Variants in TFB1M observed in about 807,000 individuals in gnomAD.
The protein encoded by TFB1M is transcription factor B1, mitochondrial, also known as dimethyladenosine transferase 1, mitochondrial.
TFB1M carries 27 observed loss-of-function variants against 31.1 expected under a neutral mutation model. The observed-to-expected ratio is 0.87, with a 90% CI of 0.64 to 1.20. The LOEUF (loss-of-function observed/expected upper bound fraction) is 1.20. Among genes scored for constraint, TFB1M ranks in the 50% most tolerant of loss-of-function variants. The pLI is 0.00. For missense variants in TFB1M, 394 were observed against 418.7 expected (o/e 0.94, Z 0.51); for synonymous variants, 166 against 151.8 (o/e 1.09, Z -0.69).
intron 5 of TFB1M, among the ~76,000 whole-genome samples, chr6:155,268,267 C>T (rs548785676): frequency 1.3e-5 from 2 of 152,040 alleles, no homozygotes; most frequent in Non-Finnish European, 2.9e-5. Flanking sequence ...AATTCCACCA[C>T]AAAAAAACAC....
intron 2 of TFB1M, among the ~76,000 whole-genome samples, chr6:155,301,514 C>T (rs115533538): frequency 3.9e-5 from 6 of 152,276 alleles, no homozygotes; most frequent in East Asian, 1.9e-4. Context: ...AACAATGGAG[C>T]ATTACACTTC....
intron 5 of TFB1M, among the ~76,000 whole-genome samples, chr6:155,263,841 C>T (rs188982446): frequency 7.1e-4 from 107 of 150,858 alleles, no homozygotes; most frequent in African/African-American, 2.5e-3. Context: ...TCACGGTGTT[C>T]AAGACCATTA....
At chr6:155,272,033 C>A (rs1784943912) in intron 5 of TFB1M, among the ~76,000 whole-genome samples, 1 of 152,102 alleles carries the variant, frequency 6.6e-6, no homozygotes, top group Admixed American at 6.5e-5. Context: ...TCTACGTTGT[C>A]CTTTATTTGC....
chr6:155,240,339 C>T, the TFB1M span, among the ~76,000 whole-genome samples: 16 of 152,320 alleles, frequency 1.1e-4, no homozygotes, highest in South Asian at 6.2e-4. Context: ...TGAGTGTGGG[C>T]GCACATCTTC....
intron 5 of TFB1M, among the ~76,000 whole-genome samples, chr6:155,279,615 G>A (rs1010866689): frequency 1.3e-5 from 2 of 152,140 alleles, no homozygotes; most frequent in African/African-American, 4.8e-5. Flanking sequence ...CATGACTTTA[G>A]CAAATACTAA....
chr6:155,245,851 C>G, the TFB1M span: 7 of 583,926 alleles, frequency 1.2e-5, no homozygotes, highest in African/African-American at 2.0e-5. Flanking sequence ...TAAGGTCCAT[C>G]CTTGACCTTG....
intron 1 of TFB1M, 138 bp from the exon 2 acceptor site, chr6:155,311,477 T>C: frequency 1.3e-6 from 1 of 745,052 alleles, no homozygotes; most frequent in Non-Finnish European, 2.3e-6. Context: ...TATTTGACTA[T>C]TTAACTCTCT....
chr6:155,274,447 T>G (rs1422640334), intron 5 of TFB1M, among the ~76,000 whole-genome samples: 1 of 152,260 alleles, frequency 6.6e-6, no homozygotes, highest in Non-Finnish European at 1.5e-5. Context: ...TTAATTTATT[T>G]CTGGTATCCT....
At position 155,285,285 on chromosome 6, in the gene TFB1M, G is replaced by A; in HGVS notation, c.547-8C>T. 6.2e-7 allele frequency: 1 copy of A among 1,613,716 alleles called. No individual in the cohort carries two copies. The highest frequency in any genetic ancestry group is 8.5e-7 in the Non-Finnish European group (1 of 1,179,716). On this transcript the variant is annotated splice_region_variant and splice_polypyrimidine_tract_variant and intron_variant, in intron 4 of 6. Coordinates refer to ENST00000367166, the MANE Select transcript of TFB1M (RefSeq NM_016020.4). ...TGTATTGGCTGCAAGTCTCTAGAGA[G>A]AGACAAAAATGAATTTTAGCAAATA...
chr6:155,254,275 G>T, downstream of TFB1M: 1 of 1,104,496 alleles, frequency 9.1e-7, no homozygotes, highest in East Asian at 2.5e-5. Flanking sequence ...CCTTCTGTAC[G>T]GGAGGCCACA....
Position 155,257,668 on chromosome 6 carries a change from T to TTTGA in TFB1M, c.*164_*167dup, listed in dbSNP as rs1196340496. On this transcript the variant is annotated 3_prime_UTR_variant, in exon 7 of 7. Coordinates refer to ENST00000367166, the MANE Select transcript of TFB1M (RefSeq NM_016020.4). ...AAAAGAAAGCTTGTACTGTATCTTA[T>TTTGA]TTGATGATATTTATTTTCTCTGCCA... The TTTGA allele has an allele frequency of 1.4e-6, 1 of 711,226 alleles. No individual in the cohort carries two copies. The highest frequency in any genetic ancestry group is 2.3e-6 in the Non-Finnish European group (1 of 429,984). The allele number at this position is 711,226 out of a possible 1,614,324, so 44.1% of individuals were successfully genotyped here.
chr6:155,247,747 A>G, the TFB1M span, among the ~76,000 whole-genome samples: 72,646 of 152,124 alleles, frequency 0.48, 18,008 homozygotes, highest in African/African-American at 0.57. Context: ...ATTTTGAGTC[A>G]GTGTTAGTCT....
At chr6:155,242,899 C>CT in the TFB1M span, among the ~76,000 whole-genome samples, 5 of 63,146 alleles carry the variant, frequency 7.9e-5, no homozygotes, top group African/African-American at 2.3e-4. Flanking sequence ...CCACACCCAG[C>CT]TATTTTTTTT....
At chr6:155,245,497 G>A in the TFB1M span, 1 of 784,350 alleles carries the variant, frequency 1.3e-6, no homozygotes, top group African/African-American at 1.7e-5. Flanking sequence ...GGATGGAGCA[G>A]GTTTGAACTT....
chr6:155,288,128 T>C (rs1010046826), intron 4 of TFB1M, among the ~76,000 whole-genome samples: 2 of 152,192 alleles, frequency 1.3e-5, no homozygotes, highest in Non-Finnish European at 2.9e-5. Flanking sequence ...TTAAGGAAGA[T>C]TAAAAAATAG....
chr6:155,251,088 C>T, the TFB1M span: 53 of 1,374,744 alleles, frequency 3.9e-5, no homozygotes, highest in South Asian at 4.4e-4. Flanking sequence ...CTTCACTAGC[C>T]GCACCAGTCC....
intron 5 of TFB1M, among the ~76,000 whole-genome samples, chr6:155,277,682 T>C (rs1258145454): frequency 1.3e-5 from 2 of 152,208 alleles, no homozygotes; most frequent in Non-Finnish European, 2.9e-5. Flanking sequence ...AAAGGTATTA[T>C]CACAAACGGG....
At chr6:155,254,610 A>C (rs1345600126), downstream of TFB1M, 20 of 1,600,436 alleles carry the variant, frequency 1.2e-5, no homozygotes, top group Non-Finnish European at 1.5e-5. Context: ...ATTCAACAAA[A>C]TATTATGAGC....
At chr6:155,240,817 A>T in the TFB1M span, 1 of 1,146,422 alleles carries the variant, frequency 8.7e-7, no homozygotes, top group Non-Finnish European at 1.2e-6. Flanking sequence ...GCCACTCCCC[A>T]GGGGGGGACA....
Sources: gnomAD v4.1 joint callset for allele counts (sites outside exome capture counted in the v4.1 genomes callset) on GRCh38, gnomAD v4.1.1 for gene constraint, MANE v1.5 for transcripts, NCBI Gene and HGNC (gene_info 2026-07-23, HGNC 2026-07-21) for gene names.